KALRN: variants seen among roughly 807,000 people sequenced by gnomAD.
KALRN encodes the protein kalirin.
A neutral mutation model predicts 353.7 loss-of-function variants in KALRN; 70 were observed. The ratio of observed to expected loss-of-function variants is 0.20; its 90% confidence interval spans 0.16 to 0.24. The LOEUF (loss-of-function observed/expected upper bound fraction) is 0.24. KALRN is among the 10% of genes least tolerant of loss of function. The pLI is 1.00. For synonymous variants in KALRN, 1,391 were observed against 1,434.8 expected, an observed-to-expected ratio of 0.97 and a Z score of 0.69; for missense variants, 2,791 against 3,756.7, an observed-to-expected ratio of 0.74 and a Z score of 6.72.
At chr3:124,510,005 G>A (rs1287932926) in intron 33 of KALRN, among the ~76,000 whole-genome samples, 2 of 152,202 alleles carry the variant, frequency 1.3e-5, no homozygotes, top group Non-Finnish European at 2.9e-5. Flanking sequence ...AAAGCTGATG[G>A]AGGAACTAAC....
intron 15 of KALRN, among the ~76,000 whole-genome samples, chr3:124,428,923 G>C (rs2093152069): frequency 6.6e-6 from 1 of 152,162 alleles, no homozygotes; most frequent in Non-Finnish European, 1.5e-5. Context: ...ACTTGGAGAA[G>C]TGGTTTCTCT....
intron 33 of KALRN, among the ~76,000 whole-genome samples, chr3:124,527,480 A>G: frequency 6.6e-6 from 1 of 151,908 alleles, no homozygotes. Flanking sequence ...GTGGTGGCAC[A>G]CACCTGTAGT....
At position 124,391,111 on chromosome 3, in the gene KALRN, C is replaced by T. The variant is rs141433173; in HGVS notation, c.1963-4024C>T. Among the ~76,000 whole-genome samples the T allele has an allele frequency of 2.0e-3, 301 of 152,258 alleles. 3 individuals are homozygous for T. Among genetic ancestry groups the T allele is most frequent in the African/African-American group, 6.6e-3 (274 of 41,544 alleles). On this transcript the variant is annotated intron_variant, in intron 11 of 59. Transcript: ENST00000682506. The stretch of plus-strand genomic sequence containing the variant: ...ATGTGTTTCTGTAAGAAAGAATGCA[C>T]AAAACCATCTACATGTATATATCAG...
chr3:124,398,944 G>A (rs2150098750), intron 13 of KALRN, 73 bp downstream of exon 13: 2 of 1,474,318 alleles, frequency 1.4e-6, no homozygotes, highest in Non-Finnish European at 1.8e-6. Flanking sequence ...TGCCCCAGGG[G>A]CAGGGCAGTA....
At chr3:124,349,091 A>T (rs186958684) in intron 10 of KALRN, among the ~76,000 whole-genome samples, 1 of 152,356 alleles carries the variant, frequency 6.6e-6, no homozygotes, top group East Asian at 1.9e-4. Flanking sequence ...CCATTGACGG[A>T]TGCATGGATA....
chr3:124,350,307 C>T (rs6438840), intron 10 of KALRN, among the ~76,000 whole-genome samples: 122,698 of 152,178 alleles, frequency 0.81, 50,039 homozygotes, highest in Middle Eastern at 0.89. Context: ...TTTAAATTCA[C>T]GCTAAAGAAA....
chr3:124,264,434 T>C, intron 3 of KALRN, 64 bp from the exon 4 acceptor site: 1 of 1,460,142 alleles, frequency 6.8e-7, no homozygotes, highest in Non-Finnish European at 9.4e-7. Flanking sequence ...GGGTGCTTTT[T>C]GACTGTGTAC....
chr3:124,709,400 C>T (rs1212387049), intron 57 of KALRN, among the ~76,000 whole-genome samples: 1 of 152,150 alleles, frequency 6.6e-6, no homozygotes, highest in Non-Finnish European at 1.5e-5. Context: ...GCCTCAGTCT[C>T]CTGAGTAGCT....
intron 3 of KALRN, among the ~76,000 whole-genome samples, chr3:124,243,102 C>T (rs1200808611): frequency 6.6e-6 from 1 of 152,174 alleles, no homozygotes; most frequent in East Asian, 1.9e-4. Context: ...GTTTCCTTCA[C>T]CCACCTGCCT....
At chr3:124,523,209 A>G (rs141349314) in intron 33 of KALRN, among the ~76,000 whole-genome samples, 2 of 152,302 alleles carry the variant, frequency 1.3e-5, no homozygotes, top group East Asian at 3.9e-4. Context: ...TTCTTTCTCC[A>G]TTAACATTTT....
intron 10 of KALRN, among the ~76,000 whole-genome samples, chr3:124,367,407 G>T (rs2084981577): frequency 2.0e-5 from 1 of 49,920 alleles, no homozygotes; most frequent in African/African-American, 1.0e-4. Context: ...CTGGCCGGGC[G>T]GAGGGCTGAC....
intron 18 of KALRN, among the ~76,000 whole-genome samples, chr3:124,439,425 C>A (rs2093603382): frequency 6.6e-6 from 1 of 152,158 alleles, no homozygotes; most frequent in Admixed American, 6.5e-5. Context: ...CTACTGCAAT[C>A]TTCAGATATC....
intron 9 of KALRN, among the ~76,000 whole-genome samples, chr3:124,344,777 T>C (rs903225244): frequency 5.3e-5 from 8 of 152,226 alleles, no homozygotes; most frequent in South Asian, 2.1e-4. Flanking sequence ...AAGTAAAAGC[T>C]TCTCAAATAT....
intron 10 of KALRN, among the ~76,000 whole-genome samples, chr3:124,358,395 C>G (rs1445887624): frequency 6.6e-6 from 1 of 150,872 alleles, no homozygotes; most frequent in Non-Finnish European, 1.5e-5. Flanking sequence ...CTTTTTTTTT[C>G]TTTTTAAAAA....
intron 5 of KALRN, among the ~76,000 whole-genome samples, chr3:124,295,677 T>C (rs962103866): frequency 1.3e-5 from 2 of 152,176 alleles, no homozygotes; most frequent in Non-Finnish European, 2.9e-5. Context: ...GAGTGAGCGC[T>C]TTTCATCACA....
intron 1 of KALRN, among the ~76,000 whole-genome samples, chr3:124,098,417 T>C (rs2061601082): frequency 6.6e-6 from 1 of 152,208 alleles, no homozygotes; most frequent in South Asian, 2.1e-4. Flanking sequence ...CTTCTCCTTC[T>C]GGCATCCCTG....
At chr3:124,233,055 T>C (rs1179198340) in intron 2 of KALRN, among the ~76,000 whole-genome samples, 1 of 152,142 alleles carries the variant, frequency 6.6e-6, no homozygotes, top group African/African-American at 2.4e-5. Flanking sequence ...GAATCTCATG[T>C]CTCCAAGGCC....
chr3:124,286,110 T>TCTTC (rs2075845220), intron 5 of KALRN, among the ~76,000 whole-genome samples: 1 of 147,428 alleles, frequency 6.8e-6, no homozygotes, highest in Non-Finnish European at 1.5e-5. Context: ...TTTCTTTCTT[T>TCTTC]CTTTCTTTCT....
chr3:124,370,953 C>G (rs1230604956), intron 10 of KALRN, among the ~76,000 whole-genome samples: 2 of 152,206 alleles, frequency 1.3e-5, no homozygotes, highest in East Asian at 3.8e-4. Context: ...TTATTTCACT[C>G]CTTCTTAAAA....
Sources: gnomAD v4.1 joint callset for allele counts (sites outside exome capture counted in the v4.1 genomes callset) on GRCh38, gnomAD v4.1.1 for gene constraint, MANE v1.5 for transcripts, NCBI Gene and HGNC (gene_info 2026-07-23, HGNC 2026-07-21) for gene names.